C9orf72: variants seen among roughly 807,000 people sequenced by gnomAD.
C9orf72 encodes C9orf72-SMCR8 complex subunit, also known as guanine nucleotide exchange factor C9orf72.
C9orf72 carries 44 observed loss-of-function variants against 51.6 expected under a neutral mutation model. The observed-to-expected ratio is 0.85, with a 90% CI of 0.67 to 1.10. The LOEUF (loss-of-function observed/expected upper bound fraction) is 1.10. Among genes scored for constraint, C9orf72 ranks in the 50% least tolerant of loss-of-function variants. C9orf72 has a pLI of 0.00. For synonymous variants in C9orf72, 213 were observed against 194.2 expected (o/e 1.10, Z -0.81); for missense variants, 607 against 570.6 (o/e 1.06, Z -0.65).
Position 27,558,531 on chromosome 9 carries a change from AATG to A in C9orf72, c.812_814del (p.Ser271del). 1 of 1,608,350 alleles carries A rather than the reference AATG, an allele frequency of 6.2e-7. No individual in the cohort carries two copies. Among genetic ancestry groups the A allele is most frequent in the Non-Finnish European group, 8.5e-7 (1 of 1,177,508 alleles). ...TACAAAGAGCCCTGACTCATATTTA[AATG>A]ATGATTCTGCTTCACATAACCTGGA... On this transcript the variant is annotated inframe_deletion, in exon 7 of 11. Transcript: ENST00000380003.
At chr9:27,562,620 A>G (rs1819377959) in intron 3 of C9orf72, 144 bp from the exon 4 acceptor site, 2 of 433,038 alleles carry the variant, frequency 4.6e-6, no homozygotes, top group Admixed American at 4.3e-5. Flanking sequence ...AAACAAGTCT[A>G]CTACATGTCT....
rs954039651 is a variant in C9orf72, at chr9:27,548,329, C to T, written c.1353G>A (p.Leu451=). The part of the protein sequence containing the change: ...AEGDLNIIMA[L]AEKIKPGLHS... ...GTAGGCCTGGTTTAATTTTCTCAGC[C>T]AGAGCCATTATTATGTTAAGATCGC... The change falls in exon 11 of 11, where the codon CTG becomes CTA. Residue 451 remains leucine, a synonymous_variant. Coordinates refer to ENST00000380003, the MANE Select transcript of C9orf72 (RefSeq NM_018325.5). 1.2e-6 allele frequency: 2 copies of T among 1,610,580 alleles called. No homozygotes were observed. Among genetic ancestry groups the T allele is most frequent in the Non-Finnish European group, 1.7e-6 (2 of 1,179,068 alleles).
In C9orf72 at chr9:27,573,452, T is replaced by TCCG. The variant is rs986474846; in HGVS notation, c.-69_-67dup. ...TCACCCACTCGCCACCGCCTGCGCC[T>TCCG]CCGCCGCCGCGGGCGCAGGCACCGC... On this transcript the variant is annotated 5_prime_UTR_variant, in exon 1 of 11. Coordinates refer to ENST00000380003, the MANE Select transcript of C9orf72 (RefSeq NM_018325.5). 27 of 143,910 alleles carry TCCG rather than the reference T, an allele frequency of 1.9e-4. No individual in the cohort carries two copies. Among genetic ancestry groups the TCCG allele is most frequent in the Admixed American group, 1.2e-3 (18 of 14,498 alleles). 8.9% of individuals were successfully genotyped at this position (143,910 alleles called of 1,614,324 possible).
chr9:27,547,953 T>C lies in C9orf72; in HGVS notation c.*283A>G, dbSNP rs181860755. On this transcript the variant is annotated 3_prime_UTR_variant, in exon 11 of 11. Coordinates refer to ENST00000380003, the MANE Select transcript of C9orf72 (RefSeq NM_018325.5). ...AAAAAACAGTAGTTGTGGTCAAGTT[T>C]ACATCCTATTATTATATCTTTAAAA... 9.4e-6 allele frequency: 2 copies of C among 213,030 alleles called. No homozygotes were observed. Among genetic ancestry groups the C allele is most frequent in the East Asian group, 1.9e-4 (2 of 10,390 alleles). 13.2% of individuals were successfully genotyped at this position (213,030 alleles called of 1,614,324 possible). A position where few individuals can be genotyped will look rare whatever the true frequency, so the allele number is the denominator to read the frequency against.
At chr9:27,559,994 T>C (rs1233798701) in intron 6 of C9orf72, 1 of 253,046 alleles carries the variant, frequency 4.0e-6, no homozygotes, top group Non-Finnish European at 7.6e-6. Flanking sequence ...AAACCATTTA[T>C]ACACTACTGA....
intron 5 of C9orf72, chr9:27,560,540 A>T (rs2131538813): frequency 1.5e-6 from 1 of 687,162 alleles, no homozygotes; most frequent in East Asian, 6.6e-5. Flanking sequence ...ATATCATTTA[A>T]TTAATGTATT....
intron 1 of C9orf72, among the ~76,000 whole-genome samples, chr9:27,571,952 T>C (rs960034940): frequency 6.6e-6 from 1 of 152,210 alleles, no homozygotes; most frequent in Non-Finnish European, 1.5e-5. Flanking sequence ...CATATCACTA[T>C]CTGGCCATTT....
At chr9:27,550,258 ATATAT>A (rs906707026) in intron 9 of C9orf72, among the ~76,000 whole-genome samples, 6 of 151,494 alleles carry the variant, frequency 4.0e-5, no homozygotes, top group African/African-American at 1.2e-4. Flanking sequence ...ATATATATGT[ATATAT>A]TATATCTGTA....
At chr9:27,568,930 A>G (rs700826) in intron 1 of C9orf72, among the ~76,000 whole-genome samples, 107 of 151,988 alleles carry the variant, frequency 7.0e-4, no homozygotes, top group African/African-American at 2.6e-3. Context: ...TGACAGCTAC[A>G]TGTGTGTTAT....
intron 8 of C9orf72, among the ~76,000 whole-genome samples, chr9:27,554,361 A>G (rs1820967932): frequency 6.6e-6 from 1 of 152,154 alleles, no homozygotes; most frequent in African/African-American, 2.4e-5. Flanking sequence ...GCTAGAGGTC[A>G]TTATCCTAAG....
chr9:27,571,161 T>C (rs1261234036), intron 1 of C9orf72: 3 of 152,132 alleles, frequency 2.0e-5, no homozygotes, highest in Non-Finnish European at 4.4e-5. Context: ...CTCCAGAGAG[T>C]TACCAAACAT....
intron 8 of C9orf72, among the ~76,000 whole-genome samples, chr9:27,552,701 C>A (rs1820933767): frequency 6.6e-6 from 1 of 151,816 alleles, no homozygotes; most frequent in Non-Finnish European, 1.5e-5. Context: ...TATTGACAAC[C>A]TTTTCTCTAC....
intron 7 of C9orf72, among the ~76,000 whole-genome samples, chr9:27,557,945 C>A (rs1221713710): frequency 6.6e-6 from 1 of 151,580 alleles, no homozygotes; most frequent in Non-Finnish European, 1.5e-5. Flanking sequence ...ATAGATTCAA[C>A]AAGGTGAACA....
At position 27,548,549 on chromosome 9, in the gene C9orf72, T is replaced by C. The variant is rs182259442; in HGVS notation, c.1259+8A>G. Reference sequence around the variant, plus strand: ...AAGGTTTTTCTTCCGTGTAGGAGTTTTACTCACGTATCGTCTTCTATATAT... The same window carrying C: ...AAGGTTTTTCTTCCGTGTAGGAGTTCTACTCACGTATCGTCTTCTATATAT... On this transcript the variant is annotated splice_region_variant and intron_variant, in intron 10 of 10. Transcript: ENST00000380003. The C allele has an allele frequency of 6.4e-7, 1 of 1,550,566 alleles. No homozygotes were observed. The highest frequency in any genetic ancestry group is 8.9e-7 in the Non-Finnish European group (1 of 1,123,976).
At chr9:27,554,456 A>T in intron 8 of C9orf72, 1 of 396,284 alleles carries the variant, frequency 2.5e-6, no homozygotes, top group African/African-American at 2.1e-5. Context: ...ATGGACACAA[A>T]GAAGGAAACA....
chr9:27,556,410 G>GA lies in C9orf72; in HGVS notation c.1091+150dup. 5 of 605,610 alleles carry GA rather than the reference G, an allele frequency of 8.3e-6. No individual in the cohort carries two copies. In the South Asian group the frequency reaches 1.1e-4, roughly 13 times the overall value. The allele number at this position is 605,610 out of a possible 1,614,324, so 37.5% of individuals were successfully genotyped here. ...TGTATGGAAAAAGAAGAACATTTAAGAAAAAAATGCTTGATTAAATGTTTC... is the reference window on the plus strand; with the variant it reads ...TGTATGGAAAAAGAAGAACATTTAAGAAAAAAAATGCTTGATTAAATGTTTC... On this transcript the variant is annotated intron_variant, in intron 8 of 10. Transcript: ENST00000380003.
chr9:27,567,100 CG>C lies in C9orf72; in HGVS notation c.20del (p.Pro7ArgfsTer13). 3 of 1,613,260 alleles carry C rather than the reference CG, an allele frequency of 1.9e-6. No individual in the cohort carries two copies. Among genetic ancestry groups the C allele is most frequent in the Non-Finnish European group, 2.5e-6 (3 of 1,179,476 alleles). Reference sequence around the variant, plus strand: ...CTGTCTTGGCAACAGCTGGAGATGGCGGTGGGCAAAGAGTCGACATCACTGC... The same window carrying C: ...CTGTCTTGGCAACAGCTGGAGATGGCGTGGGCAAAGAGTCGACATCACTGC... MSTLCP[P>X]PSPAVAKTEI... On this transcript the variant is annotated frameshift_variant, in exon 2 of 11. Transcript: ENST00000380003. LOFTEE classifies it high-confidence loss of function.
intron 4 of C9orf72, 46 bp downstream of exon 4, chr9:27,562,335 C>A (rs773698542): frequency 2.2e-6 from 2 of 900,290 alleles, no homozygotes; most frequent in South Asian, 1.8e-5. Flanking sequence ...AATACTATAA[C>A]CCCAAAAAAC....
chr9:27,561,421 A>G (rs1391100706), intron 5 of C9orf72, 164 bp downstream of exon 5: 1 of 1,403,026 alleles, frequency 7.1e-7, no homozygotes, highest in Non-Finnish European at 9.3e-7. Flanking sequence ...ATAGAAATAT[A>G]ATGAGTGAAA....
Sources: allele counts gnomAD v4.1 joint callset (sites outside exome capture counted in the v4.1 genomes callset), GRCh38; gene constraint gnomAD v4.1.1; transcripts MANE v1.5; gene names NCBI Gene and HGNC (gene_info 2026-07-23, HGNC 2026-07-21).